Variants in LSM7 observed in about 807,000 individuals in gnomAD.
LSM7 encodes the protein U6 snRNA-associated Sm-like protein LSm7.
LSM7 carries 13 observed loss-of-function variants against 14.1 expected under a neutral mutation model. The ratio of observed to expected loss-of-function variants is 0.92; its 90% CI spans 0.60 to 1.47. The LOEUF (loss-of-function observed/expected upper bound fraction) is 1.47, where lower values mean the gene tolerates loss of function less well. Among genes scored for constraint, LSM7 ranks in the 40% most tolerant of loss-of-function variants. The probability of loss-of-function intolerance (pLI) is 0.00; values close to 1 mark genes in which losing one functional copy is unlikely to be tolerated. For missense variants in LSM7, 108 were observed against 140.8 expected (o/e 0.77, Z 1.18); for synonymous variants, 70 against 57.1 (o/e 1.23, Z -1.02).
In LSM7 at chr19:2,324,120, C is replaced by T; in HGVS notation, c.169+5G>A. On this transcript the variant is annotated splice_donor_5th_base_variant and intron_variant, in intron 3 of 3. Transcript: ENST00000252622. ...GCTGCCTGCCTCGGCCGCCACCCCACTCACCTCGCATGTACTCAATGGTGC... is the reference window on the plus strand; with the variant it reads ...GCTGCCTGCCTCGGCCGCCACCCCATTCACCTCGCATGTACTCAATGGTGC... 1 of 1,561,568 alleles carries T rather than the reference C, an allele frequency of 6.4e-7. No individual in the cohort carries two copies.
At position 2,321,722 on chromosome 19, in the gene LSM7, C is replaced by T; in HGVS notation, c.270G>A (p.Met90Ile). ...SVVLICPQDG[M>I]EAIPNPFIQQ... is the part of the protein sequence containing the mutation. ...GGATGAAGGGGTTGGGGATGGCCTC[C>T]ATGCCGTCCTGCGGGCAGATTAGCA... Residue 90 changes from methionine to isoleucine, a missense_variant, in exon 4 of 4, where the codon ATG (methionine) becomes ATA (isoleucine). Coordinates refer to ENST00000252622, the MANE Select transcript of LSM7 (RefSeq NM_016199.3). The surrounding 1 kb of genome is among the most constrained non-coding windows in gnomAD (Gnocchi z 5.0). The T allele has an allele frequency of 6.4e-7, 1 of 1,569,016 alleles. No homozygotes were observed. The highest frequency in any genetic ancestry group is 1.2e-5 in the South Asian group (1 of 84,748).
At chr19:2,326,868 G>A (rs1305986787) in intron 2 of LSM7, among the ~76,000 whole-genome samples, 9 of 152,188 alleles carry the variant, frequency 5.9e-5, no homozygotes, top group African/African-American at 1.4e-4. Context: ...AGACCACCAC[G>A]GTGGAACAGA....
chr19:2,327,493 G>A (rs1385801548), intron 2 of LSM7, among the ~76,000 whole-genome samples: 1 of 151,928 alleles, frequency 6.6e-6, no homozygotes, highest in Non-Finnish European at 1.5e-5. Flanking sequence ...TGCCTGCCTC[G>A]GCCTCCCAAA....
intron 2 of LSM7, chr19:2,326,269 C>T (rs1455387576): frequency 2.0e-5 from 3 of 152,230 alleles, no homozygotes; most frequent in African/African-American, 7.3e-5. Context: ...GTGGGCCTGA[C>T]TGCATCAGGT....
intron 3 of LSM7, among the ~76,000 whole-genome samples, chr19:2,323,512 A>C (rs1358910992): frequency 1.3e-5 from 2 of 152,044 alleles, no homozygotes; most frequent in Non-Finnish European, 2.9e-5. Context: ...GTGCAGTTGC[A>C]CCATCTCGGC....
chr19:2,321,875 C>T lies in LSM7; in HGVS notation c.170-53G>A, dbSNP rs1001872731. ...AGGGACCTCCAGGAAGCCTCCGAGA[C>T]CCCCCACCCACCCAAGACCCTCGCT... On this transcript the variant is annotated intron_variant, in intron 3 of 3. Transcript: ENST00000252622. This position sits in a 1 kb window ranked among gnomAD's most constrained non-coding sequence, Gnocchi z 5.0. 1.0e-5 allele frequency: 14 copies of T among 1,349,606 alleles called. No homozygotes were observed. In the East Asian group the frequency reaches 3.7e-4, roughly 35 times the overall value. The allele number at this position is 1,349,606 out of a possible 1,614,324, so 83.6% of individuals were successfully genotyped here. A position where few individuals can be genotyped will look rare whatever the true frequency, so the allele number is the denominator to read the frequency against.
In LSM7 at chr19:2,324,140, T is replaced by A; in HGVS notation, c.154A>T (p.Ile52Phe). ...PLLNLVLDGTIEYMRDPDDQY... is the reference protein window; with the variant it reads ...PLLNLVLDGTFEYMRDPDDQY... ...CCCCACTCACCTCGCATGTACTCAA[T>A]GGTGCCGTCCAGCACAAGGTTGAGG... Residue 52 changes from isoleucine (I) to phenylalanine (F), a missense_variant, in exon 3 of 4, where the codon ATT (isoleucine) becomes TTT (phenylalanine). Physicochemically the swap from Ile to Phe is conservative, Grantham distance 21 (BLOSUM62 0). Coordinates refer to ENST00000252622, the MANE Select transcript of LSM7 (RefSeq NM_016199.3). 1.3e-6 allele frequency: 2 copies of A among 1,515,100 alleles called. No individual in the cohort carries two copies. Among genetic ancestry groups the A allele is most frequent in the Non-Finnish European group, 1.8e-6 (2 of 1,123,868 alleles). The allele number at this position is 1,515,100 out of a possible 1,614,324, so 93.9% of individuals were successfully genotyped here.
intron 2 of LSM7, among the ~76,000 whole-genome samples, chr19:2,326,379 T>A (rs555594224): frequency 1.3e-5 from 2 of 151,420 alleles, no homozygotes; most frequent in Admixed American, 6.6e-5. Flanking sequence ...TCTTGCTCTG[T>A]CGCCCAGGCT....
Position 2,324,124 on chromosome 19 carries a change from C to A in LSM7, c.169+1G>T. ...CCTGCCTCGGCCGCCACCCCACTCACCTCGCATGTACTCAATGGTGCCGTC... is the reference window on the plus strand; with the variant it reads ...CCTGCCTCGGCCGCCACCCCACTCAACTCGCATGTACTCAATGGTGCCGTC... On this transcript the variant is annotated splice_donor_variant, in intron 3 of 3. Transcript: ENST00000252622. LOFTEE classifies it high-confidence loss of function. 6.4e-7 allele frequency: 1 copy of A among 1,562,640 alleles called. No homozygotes were observed.
chr19:2,323,245 C>T (rs1967961308), intron 3 of LSM7, among the ~76,000 whole-genome samples: 2 of 152,146 alleles, frequency 1.3e-5, no homozygotes, highest in East Asian at 1.9e-4. Context: ...GACAGGGACC[C>T]TGCGTTCATA....
chr19:2,327,197 C>T (rs1968043151), intron 2 of LSM7, among the ~76,000 whole-genome samples: 1 of 152,234 alleles, frequency 6.6e-6, no homozygotes, highest in Admixed American at 6.5e-5. Flanking sequence ...AGCGGCCGCT[C>T]ACTCATGTCC....
intron 2 of LSM7, among the ~76,000 whole-genome samples, chr19:2,325,824 G>A (rs1180986240): frequency 6.6e-6 from 1 of 152,242 alleles, no homozygotes; most frequent in Non-Finnish European, 1.5e-5. Context: ...GAGACCATCT[G>A]GGCTGCAAAG....
chr19:2,326,381 G>T (rs1167591183), intron 2 of LSM7, among the ~76,000 whole-genome samples: 2 of 147,356 alleles, frequency 1.4e-5, no homozygotes, highest in Non-Finnish European at 3.0e-5. Flanking sequence ...TTGCTCTGTC[G>T]CCCAGGCTGG....
At position 2,328,434 on chromosome 19, in the gene LSM7, T is replaced by C; in HGVS notation, c.50A>G (p.Lys17Arg). Residue 17 changes from lysine (K) to arginine (R), a missense_variant, in exon 2 of 4, where the codon AAG (lysine) becomes AGG (arginine). Physicochemically the swap from Lys to Arg is conservative, Grantham distance 26. Coordinates refer to ENST00000252622, the MANE Select transcript of LSM7 (RefSeq NM_016199.3). ...KKKESILDLS[K>R]YIDKTIRVKF... ...TACCCGGATCGTCTTGTCGATGTAC[T>C]TGGACAAGTCCAAGATGCTCTCCTT... 8 of 1,613,974 alleles carry C rather than the reference T, an allele frequency of 5.0e-6. No homozygotes were observed. The highest frequency in any genetic ancestry group is 1.7e-5 in the Admixed American group (1 of 60,034).
At chr19:2,323,319 C>A (rs527468736) in intron 3 of LSM7, among the ~76,000 whole-genome samples, 1 of 152,134 alleles carries the variant, frequency 6.6e-6, no homozygotes, top group Non-Finnish European at 1.5e-5. Flanking sequence ...ACGCTCACTA[C>A]CCCACAGCAA....
At chr19:2,323,859 G>A (rs1302685597) in intron 3 of LSM7, among the ~76,000 whole-genome samples, 3 of 152,118 alleles carry the variant, frequency 2.0e-5, no homozygotes, top group Admixed American at 1.3e-4. Context: ...TGGGTGAGCT[G>A]GCAGCTCCCG....
chr19:2,327,464 A>G (rs975402085), intron 2 of LSM7, among the ~76,000 whole-genome samples: 12 of 151,992 alleles, frequency 7.9e-5, no homozygotes, highest in Non-Finnish European at 1.5e-5. Context: ...GATGGTCTTG[A>G]TCTCCTGACC....
intron 2 of LSM7, among the ~76,000 whole-genome samples, chr19:2,325,220 C>T (rs1036654367): frequency 6.6e-6 from 1 of 152,124 alleles, no homozygotes; most frequent in Non-Finnish European, 1.5e-5. Flanking sequence ...GCCATCTGAT[C>T]CTGCTCCGCA....
chr19:2,322,891 T>G (rs896382503), intron 3 of LSM7, among the ~76,000 whole-genome samples: 1 of 151,792 alleles, frequency 6.6e-6, no homozygotes, highest in Non-Finnish European at 1.5e-5. Flanking sequence ...TACATTTTTT[T>G]TTTTTTTGTA....
Sources: gnomAD v4.1 joint callset for allele counts (sites outside exome capture counted in the v4.1 genomes callset) on GRCh38, gnomAD v4.1.1 for gene constraint, Gnocchi (gnomAD v3.1) non-coding constraint, MANE v1.5 for transcripts, NCBI Gene and HGNC (gene_info 2026-07-23, HGNC 2026-07-21) for gene names.